AQP9: variants seen among roughly 807,000 people sequenced by gnomAD.
AQP9 encodes the protein aquaporin-9.
AQP9 carries 19 observed loss-of-function variants against 23.8 expected under a neutral mutation model. The ratio of observed to expected loss-of-function variants is 0.80; its 90% CI spans 0.56 to 1.17. The LOEUF is 1.17. Among genes scored for constraint, AQP9 ranks in the 50% most tolerant of loss-of-function variants. AQP9 has a pLI of 0.00. For missense variants in AQP9, 413 were observed against 362.0 expected, an observed-to-expected ratio of 1.14 and a Z score of -1.14; for synonymous variants, 153 against 131.5, an observed-to-expected ratio of 1.16 and a Z score of -1.12.
chr15:58,162,099 G>A (rs144217855), intron 1 of AQP9, among the ~76,000 whole-genome samples: 2 of 152,288 alleles, frequency 1.3e-5, no homozygotes, highest in East Asian at 1.9e-4. Context: ...GGCAATAGAA[G>A]CCATGAGTCA....
intron 1 of AQP9, among the ~76,000 whole-genome samples, chr15:58,145,269 G>A (rs545291200): frequency 7.2e-5 from 11 of 151,918 alleles, no homozygotes; most frequent in Admixed American, 1.3e-4. Context: ...TTGGGAGGCC[G>A]AGGCAGGTGG....
chr15:58,165,449 C>G (rs1490844916), intron 1 of AQP9, among the ~76,000 whole-genome samples: 4 of 152,170 alleles, frequency 2.6e-5, no homozygotes, highest in Non-Finnish European at 4.4e-5. Context: ...CTGTCCCAGT[C>G]ATGTGCTCCC....
At chr15:58,173,262 A>C in intron 3 of AQP9, 57 bp downstream of exon 3, 1 of 1,604,846 alleles carries the variant, frequency 6.2e-7, no homozygotes, top group Non-Finnish European at 8.5e-7. Context: ...TTTGAAAGTC[A>C]GAATTACTTG....
intron 1 of AQP9, among the ~76,000 whole-genome samples, chr15:58,145,539 A>C (rs1386454720): frequency 1.3e-5 from 2 of 151,918 alleles, no homozygotes; most frequent in Non-Finnish European, 2.9e-5. Context: ...ACTTAAAGTA[A>C]ATCAATTTTT....
At chr15:58,157,867 G>C (rs1898296286) in intron 1 of AQP9, among the ~76,000 whole-genome samples, 8 of 152,158 alleles carry the variant, frequency 5.3e-5, no homozygotes, top group Admixed American at 5.2e-4. Flanking sequence ...TCATCTCTGA[G>C]AAAGGAAGGG....
intron 1 of AQP9, among the ~76,000 whole-genome samples, chr15:58,145,918 T>A (rs1353904745): frequency 6.6e-6 from 1 of 152,188 alleles, no homozygotes; most frequent in Admixed American, 6.5e-5. Flanking sequence ...GGTTGATAAT[T>A]ATTTTTGCTT....
intron 1 of AQP9, among the ~76,000 whole-genome samples, chr15:58,143,908 T>C (rs1897994040): frequency 6.6e-6 from 1 of 152,230 alleles, no homozygotes; most frequent in East Asian, 1.9e-4. Flanking sequence ...TTATGTGTAT[T>C]ATAAAATTGC....
intron 1 of AQP9, among the ~76,000 whole-genome samples, chr15:58,143,283 A>T (rs1391235644): frequency 6.6e-6 from 1 of 152,204 alleles, no homozygotes; most frequent in Non-Finnish European, 1.5e-5. Flanking sequence ...CCTTGCCTTG[A>T]AGCAAGAGTT....
intron 1 of AQP9, chr15:58,151,146 A>G (rs144360340): frequency 4.6e-4 from 70 of 152,284 alleles, no homozygotes; most frequent in African/African-American, 1.7e-3. Flanking sequence ...GTATAGTATT[A>G]TCAATACTCA....
intron 1 of AQP9, among the ~76,000 whole-genome samples, chr15:58,144,831 T>G (rs1462097464): frequency 6.6e-6 from 1 of 151,778 alleles, no homozygotes; most frequent in African/African-American, 2.4e-5. Flanking sequence ...CTGGTCAATA[T>G]GGTGAAACCC....
At chr15:58,183,666 G>A (rs1228575966) in intron 5 of AQP9, among the ~76,000 whole-genome samples, 1 of 151,854 alleles carries the variant, frequency 6.6e-6, no homozygotes, top group Non-Finnish European at 1.5e-5. Context: ...ACTTTCTTAG[G>A]GGCCCTCAAT....
intron 2 of AQP9, among the ~76,000 whole-genome samples, chr15:58,167,096 C>G (rs113305399): frequency 6.6e-6 from 1 of 152,312 alleles, no homozygotes; most frequent in African/African-American, 2.4e-5. Flanking sequence ...TTTACTTGCT[C>G]TAGTCCACAT....
rs1898978993 is a variant in AQP9 at position 58,184,749 on chromosome 15, G to C, written c.*614G>C. On this transcript the variant is annotated 3_prime_UTR_variant, in exon 6 of 6. Coordinates refer to ENST00000219919, the MANE Select transcript of AQP9 (RefSeq NM_020980.5). ...GACATTGTGGCATTCAGAAACTGCAGGAGACAAGATGAATTTGAGAAGCCA... is the reference window on the plus strand; with the variant it reads ...GACATTGTGGCATTCAGAAACTGCACGAGACAAGATGAATTTGAGAAGCCA... 1 of 152,282 alleles carries C rather than the reference G, an allele frequency of 6.6e-6. No individual in the cohort carries two copies. Among genetic ancestry groups the C allele is most frequent in the Non-Finnish European group, 1.5e-5 (1 of 68,030 alleles). The allele number at this position is 152,282 out of a possible 1,614,324, so 9.4% of individuals were successfully genotyped here. A position where few individuals can be genotyped will look rare whatever the true frequency, so the allele number is the denominator to read the frequency against.
intron 1 of AQP9, among the ~76,000 whole-genome samples, chr15:58,160,663 C>T (rs1291489486): frequency 2.0e-5 from 3 of 150,480 alleles, no homozygotes; most frequent in Non-Finnish European, 3.0e-5. Context: ...CCCTGGTGGA[C>T]ATTATAGTTT....
At chr15:58,138,755 TG>T in intron 1 of AQP9, 79 bp downstream of exon 1, 1 of 1,277,660 alleles carries the variant, frequency 7.8e-7, no homozygotes. Context: ...GAGTTTTGTT[TG>T]GTTTGTTTTA....
Position 58,185,150 on chromosome 15 carries a change from C to G in AQP9, c.*1015C>G, listed in dbSNP as rs1312685146. 4 of 152,086 alleles carry G rather than the reference C, an allele frequency of 2.6e-5. No individual in the cohort carries two copies. Among genetic ancestry groups the G allele is most frequent in the Non-Finnish European group, 5.9e-5 (4 of 68,032 alleles). 9.4% of individuals were successfully genotyped at this position (152,086 alleles called of 1,614,324 possible). A position where few individuals can be genotyped will look rare whatever the true frequency, so the allele number is the denominator to read the frequency against. On this transcript the variant is annotated 3_prime_UTR_variant, in exon 6 of 6. Coordinates refer to ENST00000219919, the MANE Select transcript of AQP9 (RefSeq NM_020980.5). ...TTTCACACCCATTATCTAATTTAAT[C>G]CTCATAATGACTATGTGAGGCAAAT... is the stretch of plus-strand genomic sequence containing the variant.
chr15:58,180,008 G>C (rs372536039), intron 5 of AQP9, among the ~76,000 whole-genome samples: 24 of 152,314 alleles, frequency 1.6e-4, no homozygotes, highest in Admixed American at 1.2e-3. Context: ...CAGGACAGAC[G>C]TAAGATTGAG....
intron 1 of AQP9, among the ~76,000 whole-genome samples, chr15:58,160,879 A>G (rs922272733): frequency 1.3e-5 from 2 of 152,156 alleles, no homozygotes; most frequent in African/African-American, 4.8e-5. Context: ...GTTTCTTCTG[A>G]AAGGTGCAGC....
chr15:58,165,377 A>G (rs1898476330), intron 1 of AQP9, among the ~76,000 whole-genome samples: 1 of 152,198 alleles, frequency 6.6e-6, no homozygotes, highest in South Asian at 2.1e-4. Context: ...TTTTAAAAAA[A>G]TTAGAAAACA....
Sources: allele counts gnomAD v4.1 joint callset (sites outside exome capture counted in the v4.1 genomes callset), GRCh38; gene constraint gnomAD v4.1.1; transcripts MANE v1.5; gene names NCBI Gene and HGNC (gene_info 2026-07-23, HGNC 2026-07-21).